Variants in NUP205 observed in about 807,000 individuals in gnomAD.
NUP205 encodes nucleoporin 205.
Under a neutral mutation model 253.8 loss-of-function variants are expected in NUP205, and 76 were observed. The ratio of observed to expected loss-of-function variants is 0.30; its 90% confidence interval spans 0.25 to 0.36. NUP205 has a LOEUF of 0.36. Among genes scored for constraint, NUP205 ranks in the 10% least tolerant of loss-of-function variants. The pLI is 1.00. For missense variants in NUP205, 2,162 were observed against 2,425.5 expected, an observed-to-expected ratio of 0.89 and a Z score of 2.28; for synonymous variants, 832 against 850.1, an observed-to-expected ratio of 0.98 and a Z score of 0.37.
rs1264119243 is a variant in NUP205 at position 135,593,092 on chromosome 7, A to G, written c.1730A>G (p.Asp577Gly). The G allele has an allele frequency of 1.2e-6, 2 of 1,614,080 alleles. No individual in the cohort carries two copies. Among genetic ancestry groups the G allele is most frequent in the Non-Finnish European group, 1.7e-6 (2 of 1,179,980 alleles). ...CTTCGGAAGGATCTTCCAAGTGCAG[A>G]TAGTGTCCAGTACCGTCACCTTCCT... ...EHLRKDLPSA[D>G]SVQYRHLPSR... The change falls in exon 12 of 43, where the codon GAT (aspartate) becomes GGT (glycine). Residue 577 changes from aspartate to glycine, a missense_variant. Coordinates refer to ENST00000285968, the MANE Select transcript of NUP205 (RefSeq NM_015135.3).
chr7:135,626,202 A>G lies in NUP205; in HGVS notation c.4672-38A>G, dbSNP rs1006795377. 1.9e-6 allele frequency: 3 copies of G among 1,610,832 alleles called. No individual in the cohort carries two copies. In the African/African-American group the frequency reaches 4.0e-5, roughly 22 times the overall value. On this transcript the variant is annotated intron_variant, in intron 32 of 42. Transcript: ENST00000285968. ...CTTTTCTCTGAGGCCCTTGGACATGATTTCAGCACTGATGATTTTTCTCTT... is the reference window on the plus strand; with the variant it reads ...CTTTTCTCTGAGGCCCTTGGACATGGTTTCAGCACTGATGATTTTTCTCTT...
At chr7:135,580,036 G>C (rs56244910) in intron 7 of NUP205, among the ~76,000 whole-genome samples, 5,172 of 152,204 alleles carry the variant, frequency 0.034, 119 homozygotes, top group Middle Eastern at 0.1. Context: ...ATATTAGTAG[G>C]GGTTTATTCT....
Position 135,593,050 on chromosome 7 carries a change from T to C in NUP205, c.1688T>C (p.Met563Thr), listed in dbSNP as rs1169847008. The change falls in exon 12 of 43, where the codon ATG becomes ACG. Residue 563 changes from methionine to threonine, a missense_variant. Met to Thr is a moderately conservative substitution (Grantham distance 81). This residue lies in a region of NUP205 where 892 missense variants were observed against 957.1 expected (regional missense o/e 0.93). Coordinates refer to ENST00000285968, the MANE Select transcript of NUP205 (RefSeq NM_015135.3). ...TGGGAACATTTCTTTCACTCCTTGA[T>C]GCTTTACCACGAACACCTTCGGAAG... ...VSWEHFFHSL[M>T]LYHEHLRKDL... 1.2e-6 allele frequency: 2 copies of C among 1,614,036 alleles called. No individual in the cohort carries two copies. The highest frequency in any genetic ancestry group is 8.5e-7 in the Non-Finnish European group (1 of 1,179,996).
intron 25 of NUP205, 47 bp downstream of exon 25, chr7:135,616,773 T>TAAAA: frequency 3.5e-6 from 3 of 866,376 alleles, no homozygotes; most frequent in East Asian, 3.5e-5. Flanking sequence ...AGACATATAT[T>TAAAA]AAAAAAAAAA....
At chr7:135,573,241 A>C (rs1180537359) in intron 2 of NUP205, among the ~76,000 whole-genome samples, 1 of 152,204 alleles carries the variant, frequency 6.6e-6, no homozygotes, top group African/African-American at 2.4e-5. Flanking sequence ...TTAGGAAATA[A>C]GACTACATTT....
chr7:135,638,413 T>TG (rs1638553762), intron 37 of NUP205, 144 bp from the exon 38 acceptor site: 4 of 572,714 alleles, frequency 7.0e-6, no homozygotes, highest in African/African-American at 2.7e-5. Flanking sequence ...AGACTCCATC[T>TG]GAAAAAAAAA....
chr7:135,592,748 G>T (rs576864843), intron 11 of NUP205, among the ~76,000 whole-genome samples: 1 of 152,144 alleles, frequency 6.6e-6, no homozygotes, highest in African/African-American at 2.4e-5. Flanking sequence ...TTAGCAAGGC[G>T]TTGTGGTGCA....
At position 135,588,301 on chromosome 7, in the gene NUP205, C is replaced by T. The variant is rs752157106; in HGVS notation, c.1473+309C>T. 4.2e-4 allele frequency among the ~76,000 whole-genome samples: 63 copies of T among 150,464 alleles called. 1 individual carries two copies. Among genetic ancestry groups the T allele is most frequent in the African/African-American group, 1.4e-3 (59 of 40,804 alleles). On this transcript the variant is annotated intron_variant, in intron 10 of 42. Coordinates refer to ENST00000285968, the MANE Select transcript of NUP205 (RefSeq NM_015135.3). ...GACTACAGGCATACACCACCACACC[C>T]GGCTAGTTTTTGTATTTTTTGTAGA...
chr7:135,573,863 G>T, intron 3 of NUP205, 38 bp downstream of exon 3: 1 of 1,496,158 alleles, frequency 6.7e-7, no homozygotes, highest in African/African-American at 1.4e-5. Flanking sequence ...GTAAAATAAT[G>T]CAAAATTATA....
intron 13 of NUP205, 22 bp downstream of exon 13, chr7:135,594,751 T>C (rs879790185): frequency 4.4e-6 from 7 of 1,575,204 alleles, no homozygotes; most frequent in Non-Finnish European, 4.3e-6. Flanking sequence ...AAGTCCCTTA[T>C]TTATATTATC....
chr7:135,638,059 G>T lies in NUP205; in HGVS notation c.5265G>T (p.Gln1755His), dbSNP rs1425265776. ...KKDEIELAMQ[Q>H]ICANVMEYCQ... is the part of the protein sequence containing the mutation. ...ATGAGATTGAACTGGCTATGCAGCA[G>T]GTAAGAACCATGTGACTTCTCTAAG... The change falls in exon 37 of 43, where the codon CAG becomes CAT. Residue 1755 changes from glutamine to histidine, a missense_variant and splice_region_variant. Gln to His is a conservative substitution (Grantham distance 24). Transcript: ENST00000285968. 6.2e-7 allele frequency: 1 copy of T among 1,609,800 alleles called. No homozygotes were observed. The highest frequency in any genetic ancestry group is 8.5e-7 in the Non-Finnish European group (1 of 1,178,960).
At chr7:135,648,364 GAC>G (rs1300921092) in intron 42 of NUP205, 38 bp from the exon 43 acceptor site, 1 of 1,478,046 alleles carries the variant, frequency 6.8e-7, no homozygotes, top group Non-Finnish European at 9.0e-7. Flanking sequence ...AAATATTTGA[GAC>G]AACAATTTTA....
intron 36 of NUP205, 41 bp downstream of exon 36, chr7:135,635,698 T>C (rs1794797287): frequency 8.4e-7 from 1 of 1,190,364 alleles, no homozygotes; most frequent in Non-Finnish European, 1.2e-6. Context: ...TTATAAGACA[T>C]GTTACAAAAT....
chr7:135,642,357 T>G (rs1020932262), intron 38 of NUP205, among the ~76,000 whole-genome samples: 1 of 152,156 alleles, frequency 6.6e-6, no homozygotes, highest in African/African-American at 2.4e-5. Flanking sequence ...TAGGATGATT[T>G]TTTTTTTCTT....
intron 19 of NUP205, among the ~76,000 whole-genome samples, chr7:135,604,835 G>T (rs1212644488): frequency 6.6e-6 from 1 of 152,190 alleles, no homozygotes; most frequent in East Asian, 1.9e-4. Flanking sequence ...TTTCGTTGTT[G>T]TAAGTTGTCT....
chr7:135,572,684 A>G (rs904638022), intron 2 of NUP205, among the ~76,000 whole-genome samples: 1 of 152,152 alleles, frequency 6.6e-6, no homozygotes, highest in Non-Finnish European at 1.5e-5. Flanking sequence ...CTCAGCCTCC[A>G]GAGTAGCTGG....
intron 11 of NUP205, 38 bp downstream of exon 11, chr7:135,591,638 T>A (rs969069359): frequency 6.3e-7 from 1 of 1,589,212 alleles, no homozygotes; most frequent in African/African-American, 1.4e-5. Context: ...TTTGTTGTTA[T>A]ACTCTTTTAA....
In NUP205 at chr7:135,616,735, C is replaced by A; in HGVS notation, c.3532+9C>A. 1 of 1,475,792 alleles carries A rather than the reference C, an allele frequency of 6.8e-7. No individual in the cohort carries two copies. The highest frequency in any genetic ancestry group is 9.1e-7 in the Non-Finnish European group (1 of 1,104,680). 91.4% of individuals were successfully genotyped at this position (1,475,792 alleles called of 1,614,324 possible). A position where few individuals can be genotyped will look rare whatever the true frequency, so the allele number is the denominator to read the frequency against. On this transcript the variant is annotated intron_variant, in intron 25 of 42. Coordinates refer to ENST00000285968, the MANE Select transcript of NUP205 (RefSeq NM_015135.3). Reference sequence around the variant, plus strand: ...TGACACTGCTACAAAAGGTAATGCCCTTTGAATTTGTAATAAATTTATTTT... The same window carrying A: ...TGACACTGCTACAAAAGGTAATGCCATTTGAATTTGTAATAAATTTATTTT...
rs181746629 is a variant in NUP205, at chr7:135,604,188, A to C, written c.2703-152A>C. The stretch of plus-strand genomic sequence containing the variant: ...AGGGATATGATTCAACCCCTAACAG[A>C]CTGCATCTATTTAGAAGGGGACAGC... On this transcript the variant is annotated intron_variant, in intron 18 of 42. Transcript: ENST00000285968. 8.9e-6 allele frequency: 5 copies of C among 562,270 alleles called. No homozygotes were observed. The Admixed American group carries it at 1.8e-4, about 20-fold the overall frequency. 34.8% of individuals were successfully genotyped at this position (562,270 alleles called of 1,614,324 possible).
Sources: gnomAD v4.1 joint callset for allele counts (sites outside exome capture counted in the v4.1 genomes callset) on GRCh38, gnomAD v4.1.1 for gene constraint, gnomAD v4.1.1 regional missense constraint, MANE v1.5 for transcripts, NCBI Gene and HGNC (gene_info 2026-07-23, HGNC 2026-07-21) for gene names.